POGLUT1: variants seen among roughly 807,000 people sequenced by gnomAD.
The protein encoded by POGLUT1 is 9630046K23Rik.
A neutral mutation model predicts 61.3 loss-of-function variants in POGLUT1; 32 were observed. The observed-to-expected ratio is 0.52, with a 90% CI of 0.39 to 0.70. POGLUT1 has a LOEUF of 0.70. Among genes scored for constraint, POGLUT1 ranks in the 30% least tolerant of loss-of-function variants. POGLUT1 has a pLI of 0.00. For synonymous variants in POGLUT1, 158 were observed against 158.2 expected (o/e 1.00, Z 0.01); for missense variants, 411 against 469.8 (o/e 0.87, Z 1.16).
In POGLUT1 at chr3:119,469,868, A is replaced by G. The variant is rs555496988; in HGVS notation, c.134A>G (p.Asn45Ser). The G allele has an allele frequency of 6.2e-7, 1 of 1,609,554 alleles. No homozygotes were observed. Among genetic ancestry groups the G allele is most frequent in the Middle Eastern group, 1.7e-4 (1 of 6,056 alleles). The change falls in exon 2 of 11, where the codon AAT becomes AGT. Residue 45 changes from asparagine (N) to serine (S), a missense_variant. Physicochemically the swap from Asn to Ser is conservative, Grantham distance 46 (BLOSUM62 1). Transcript: ENST00000295588. ...GACCAAATTAACAGGTCTTTGGAGAATTACGAACCATGTTCAAGTCAAAAC... is the reference window on the plus strand; with the variant it reads ...GACCAAATTAACAGGTCTTTGGAGAGTTACGAACCATGTTCAAGTCAAAAC... The part of the protein sequence containing the change: ...FIDQINRSLE[N>S]YEPCSSQNCS...
chr3:119,478,079 C>A (rs2081560939), intron 4 of POGLUT1: 1 of 320,424 alleles, frequency 3.1e-6, no homozygotes, highest in Non-Finnish European at 6.1e-6. Context: ...CAAGGAATGT[C>A]TTGTCAGTGC....
At chr3:119,471,190 C>T (rs1273929301) in intron 2 of POGLUT1, 119 bp from the exon 3 acceptor site, 13 of 840,530 alleles carry the variant, frequency 1.5e-5, no homozygotes, top group African/African-American at 3.4e-5. Flanking sequence ...TTCTCACTCT[C>T]GATTCTTTCC....
At chr3:119,478,137 T>C (rs2081561598) in intron 4 of POGLUT1, 1 of 344,204 alleles carries the variant, frequency 2.9e-6, no homozygotes, top group South Asian at 2.3e-5. Context: ...CTTGGTTCCC[T>C]AGAGACAAGG....
intron 3 of POGLUT1, chr3:119,471,667 GGTTGT>G: frequency 5.8e-6 from 3 of 518,444 alleles, no homozygotes; most frequent in Non-Finnish European, 1.0e-5. Context: ...GTTCATCACT[GGTTGT>G]ACTGGTGGTG....
intron 3 of POGLUT1, among the ~76,000 whole-genome samples, chr3:119,473,543 C>A (rs1290333447): frequency 6.6e-6 from 1 of 151,884 alleles, no homozygotes; most frequent in Non-Finnish European, 1.5e-5. Flanking sequence ...CAGAGAGGGA[C>A]AAAATACGAA....
At chr3:119,471,259 G>A in intron 2 of POGLUT1, 50 bp from the exon 3 acceptor site, 1 of 1,576,338 alleles carries the variant, frequency 6.3e-7, no homozygotes, top group South Asian at 1.1e-5. Context: ...TAGGTGGAAT[G>A]GCACCACTCT....
chr3:119,492,626 A>G lies in POGLUT1; in HGVS notation c.*188A>G, dbSNP rs2081765079. ...TTTAAAATGTGTCTAATACACTGAT[A>G]TGAAGCAGTTCAACTTTTTGGATGA... On this transcript the variant is annotated 3_prime_UTR_variant, in exon 11 of 11. Transcript: ENST00000295588. The G allele has an allele frequency of 2.9e-6, 1 of 341,716 alleles. No individual in the cohort carries two copies. The highest frequency in any genetic ancestry group is 4.5e-5 in the East Asian group (1 of 22,110). The allele number at this position is 341,716 out of a possible 1,614,324, so 21.2% of individuals were successfully genotyped here. A position where few individuals can be genotyped will look rare whatever the true frequency, so the allele number is the denominator to read the frequency against.
chr3:119,472,285 T>C (rs913006466), intron 3 of POGLUT1, among the ~76,000 whole-genome samples: 1 of 152,130 alleles, frequency 6.6e-6, no homozygotes, highest in African/African-American at 2.4e-5. Context: ...TAAGAGCATC[T>C]TTCTAAACAA....
chr3:119,483,519 GA>G (rs1336165136), intron 5 of POGLUT1, among the ~76,000 whole-genome samples: 2 of 152,188 alleles, frequency 1.3e-5, no homozygotes, highest in Non-Finnish European at 2.9e-5. Context: ...AAGATTGTGA[GA>G]ATGATTTTTT....
intron 5 of POGLUT1, among the ~76,000 whole-genome samples, chr3:119,485,059 T>A (rs180908640): frequency 2.9e-4 from 44 of 152,024 alleles, no homozygotes; most frequent in Middle Eastern, 3.4e-3. Flanking sequence ...TACTAAAAAA[T>A]ACACAAAATT....
intron 3 of POGLUT1, 62 bp from the exon 4 acceptor site, chr3:119,477,239 GTGAATGGGACCT>G (rs1334073471): frequency 7.0e-7 from 1 of 1,429,974 alleles, no homozygotes. Context: ...ACTTTAAAAT[GTGAATGGGACCT>G]CGCCTTGTCC....
rs1221722566 is a variant in POGLUT1 at position 119,469,831 on chromosome 3, A to C, written c.97A>C (p.Lys33Gln). 6.3e-7 allele frequency: 1 copy of C among 1,592,278 alleles called. No individual in the cohort carries two copies. The highest frequency in any genetic ancestry group is 1.3e-5 in the African/African-American group (1 of 74,428). ...TTCACTTTTTAAAGGTTCAAAATGG[A>C]AAGTATTTATTGACCAAATTAACAG... ...GRQKESGSKW[K>Q]VFIDQINRSL... The change falls in exon 2 of 11, where the codon AAA (lysine) becomes CAA (glutamine). Residue 33 changes from lysine to glutamine, a missense_variant. Transcript: ENST00000295588.
intron 3 of POGLUT1, among the ~76,000 whole-genome samples, chr3:119,474,712 G>T (rs1003690513): frequency 1.3e-5 from 2 of 152,014 alleles, no homozygotes; most frequent in Non-Finnish European, 2.9e-5. Flanking sequence ...GGTGGCAGGC[G>T]CCTGTAATCC....
intron 5 of POGLUT1, among the ~76,000 whole-genome samples, chr3:119,484,817 G>T (rs2081646732): frequency 6.6e-6 from 1 of 152,140 alleles, no homozygotes; most frequent in South Asian, 2.1e-4. Flanking sequence ...TAGATTTGTA[G>T]ATACAACTGG....
At position 119,480,252 on chromosome 3, in the gene POGLUT1, C is replaced by CT. The variant is rs139662431; in HGVS notation, c.578+93dup. 0.16 allele frequency: 147,868 copies of CT among 909,460 alleles called. 383 individuals are homozygous for CT. The highest frequency in any genetic ancestry group is 0.18 in the Non-Finnish European group (116,303 of 659,982). The allele number at this position is 909,460 out of a possible 1,614,324, so 56.3% of individuals were successfully genotyped here. A position where few individuals can be genotyped will look rare whatever the true frequency, so the allele number is the denominator to read the frequency against. ...GCCATAGAATATAACCAATTATTTA[C>CT]TTTTTTTTTTTTTGAGACGGAGTTT... On this transcript the variant is annotated intron_variant, in intron 5 of 10. Coordinates refer to ENST00000295588, the MANE Select transcript of POGLUT1 (RefSeq NM_152305.3).
intron 3 of POGLUT1, among the ~76,000 whole-genome samples, chr3:119,475,558 A>G (rs1476221481): frequency 6.6e-6 from 1 of 152,224 alleles, no homozygotes; most frequent in Non-Finnish European, 1.5e-5. Context: ...CACGCCTGTT[A>G]TCCCAGCACT....
intron 6 of POGLUT1, 85 bp downstream of exon 6, chr3:119,485,472 A>G (rs1207351915): frequency 2.1e-5 from 17 of 796,032 alleles, no homozygotes; most frequent in Non-Finnish European, 3.1e-5. Context: ...CAAGCTCTGT[A>G]GTTCAAAGGG....
chr3:119,474,237 A>G (rs2081510150), intron 3 of POGLUT1, among the ~76,000 whole-genome samples: 2 of 152,244 alleles, frequency 1.3e-5, no homozygotes, highest in South Asian at 4.1e-4. Flanking sequence ...TACTCATTCC[A>G]CAATGTAAAC....
chr3:119,477,123 G>A (rs1236741036), intron 3 of POGLUT1, among the ~76,000 whole-genome samples, 190 bp from the exon 4 acceptor site: 1 of 152,228 alleles, frequency 6.6e-6, no homozygotes, highest in Non-Finnish European at 1.5e-5. Context: ...AGCTATGAGT[G>A]AACTTGCACA....
Sources: allele counts gnomAD v4.1 joint callset (sites outside exome capture counted in the v4.1 genomes callset), GRCh38; gene constraint gnomAD v4.1.1; transcripts MANE v1.5; gene names NCBI Gene and HGNC (gene_info 2026-07-23, HGNC 2026-07-21).